The following ALDH1L1 variants were observed in gnomAD, a reference collection of about 807,000 sequenced individuals.
ALDH1L1 encodes the protein cytosolic 10-formyltetrahydrofolate dehydrogenase.
In ALDH1L1, 68 loss-of-function variants were observed where a neutral mutation model predicts 101.1. The observed-to-expected ratio is 0.67, with a 90% CI of 0.55 to 0.82. The LOEUF (loss-of-function observed/expected upper bound fraction) is 0.82, where lower values mean the gene tolerates loss of function less well. Among genes scored for constraint, ALDH1L1 ranks in the 40% least tolerant of loss-of-function variants. The pLI, the probability that ALDH1L1 is intolerant of heterozygous loss-of-function variation, is 0.00. For missense variants in ALDH1L1, 1,087 were observed against 1,172.7 expected, an observed-to-expected ratio of 0.93 and a Z score of 1.07; for synonymous variants, 486 against 470.8, an observed-to-expected ratio of 1.03 and a Z score of -0.42.
At chr3:126,157,249 G>T in intron 4 of ALDH1L1, 94 bp downstream of exon 4, 1 of 1,439,772 alleles carries the variant, frequency 6.9e-7, no homozygotes, top group South Asian at 1.4e-5. Flanking sequence ...TTGGGGAACA[G>T]ATTCCTGGCC....
At chr3:126,134,916 C>T (rs1270414843) in intron 12 of ALDH1L1, among the ~76,000 whole-genome samples, 13 of 152,338 alleles carry the variant, frequency 8.5e-5, no homozygotes, top group African/African-American at 3.1e-4. Context: ...TCCCGCCAGG[C>T]CCTGTGGTTC....
At chr3:126,160,529 C>T (rs79962523) in intron 2 of ALDH1L1, 12,151 of 280,552 alleles carry the variant, frequency 0.043, 370 homozygotes, top group Middle Eastern at 0.11. Context: ...CAGTTCAGAA[C>T]ATGGAGACCT....
chr3:126,103,992 A>G, intron 22 of ALDH1L1, 146 bp from the exon 23 acceptor site: 1 of 855,152 alleles, frequency 1.2e-6, no homozygotes, highest in Non-Finnish European at 1.8e-6. Flanking sequence ...CAGCGAGGTC[A>G]TGAATCTTAC....
At chr3:126,147,381 C>T (rs1278059885) in intron 8 of ALDH1L1, among the ~76,000 whole-genome samples, 1 of 152,172 alleles carries the variant, frequency 6.6e-6, no homozygotes, top group East Asian at 1.9e-4. Context: ...ACAGGGTGGG[C>T]CTGAAGGTGA....
rs769294617 is a variant in ALDH1L1 at position 126,157,438 on chromosome 3, C to T, written c.433G>A (p.Asp145Asn). ...FWADDGLDTGDLLLQKECEVL... is the reference protein window; with the variant it reads ...FWADDGLDTGNLLLQKECEVL... ...TCACACTCCTTCTGCAGCAGCAGGT[C>T]TCCGGTGTCCAGACCATCATCCGCC... The change falls in exon 4 of 23, where the codon GAC becomes AAC. Residue 145 changes from aspartate to asparagine, a missense_variant. Transcript: ENST00000393434. 3.7e-6 allele frequency: 6 copies of T among 1,614,164 alleles called. No individual in the cohort carries two copies. Among genetic ancestry groups the T allele is most frequent in the Middle Eastern group, 1.6e-4 (1 of 6,062 alleles).
Position 126,103,684 on chromosome 3 carries a change from C to T in ALDH1L1, c.*107G>A. 1 of 1,223,050 alleles carries T rather than the reference C, an allele frequency of 8.2e-7. No homozygotes were observed. The highest frequency in any genetic ancestry group is 1.2e-6 in the Non-Finnish European group (1 of 855,548). 75.8% of individuals were successfully genotyped at this position (1,223,050 alleles called of 1,614,324 possible). On this transcript the variant is annotated 3_prime_UTR_variant, in exon 23 of 23. Transcript: ENST00000393434. The stretch of plus-strand genomic sequence containing the variant: ...CAGACATGGTGTGCAGGCAGGAGGG[C>T]TTCCACTAGCCCCCCAGGTGGGAGG...
upstream of ALDH1L1, among the ~76,000 whole-genome samples, chr3:126,183,095 G>C (rs1337663650): frequency 6.6e-6 from 1 of 152,252 alleles, no homozygotes; most frequent in East Asian, 1.9e-4. Context: ...ATGAAGCCAA[G>C]AGTGTGGTCA....
chr3:126,181,027 T>G, upstream of ALDH1L1: 11 of 1,593,866 alleles, frequency 6.9e-6, no homozygotes, highest in South Asian at 4.5e-5. Context: ...TGCAGCCGCT[T>G]GCAGAGGCGG....
chr3:126,165,760 GGTT>G (rs1242008999), intron 1 of ALDH1L1, among the ~76,000 whole-genome samples: 2 of 152,122 alleles, frequency 1.3e-5, no homozygotes, highest in East Asian at 3.8e-4. Flanking sequence ...TCTGTGGATT[GGTT>G]GTAATGTCAT....
rs570048736 is a variant in ALDH1L1, at chr3:126,109,274, C to T, written c.2347+670G>A. 2.6e-5 allele frequency among the ~76,000 whole-genome samples: 4 copies of T among 152,324 alleles called. No individual in the cohort carries two copies. The South Asian group carries it at 8.3e-4, about 32-fold the overall frequency. The stretch of plus-strand genomic sequence containing the variant: ...CAGCAGCAGCGTCAACGGTCCATCC[C>T]CGTGGCTGCTGCGCTTCTGGCCTGG... On this transcript the variant is annotated intron_variant, in intron 20 of 22. Coordinates refer to ENST00000393434, the MANE Select transcript of ALDH1L1 (RefSeq NM_012190.4).
chr3:126,106,514 C>T (rs1345003069), intron 21 of ALDH1L1, among the ~76,000 whole-genome samples: 2 of 152,182 alleles, frequency 1.3e-5, no homozygotes, highest in Non-Finnish European at 2.9e-5. Context: ...CCTTCCAGCC[C>T]AGCCTGGTCT....
At chr3:126,189,514 G>A (rs2081540131) in intron 1 of ALDH1L1, among the ~76,000 whole-genome samples, 1 of 152,120 alleles carries the variant, frequency 6.6e-6, no homozygotes, top group African/African-American at 2.4e-5. Flanking sequence ...AGGCCCCAAA[G>A]CTTGGCTGCA....
At chr3:126,118,498 G>C (rs556213077) in intron 16 of ALDH1L1, among the ~76,000 whole-genome samples, 153 of 152,248 alleles carry the variant, frequency 1.0e-3, no homozygotes, top group African/African-American at 3.6e-3. Context: ...CAGGAGAGAG[G>C]CTGCAGGAGA....
At chr3:126,179,620 CT>C (rs1356121097) in intron 1 of ALDH1L1, 1 of 152,182 alleles carries the variant, frequency 6.6e-6, no homozygotes, top group Non-Finnish European at 1.5e-5. Context: ...TTCATTGCCC[CT>C]CCCGATTTTA....
chr3:126,130,326 C>T (rs1414481664), intron 13 of ALDH1L1, 33 bp from the exon 14 acceptor site: 3 of 1,575,746 alleles, frequency 1.9e-6, no homozygotes, highest in Admixed American at 1.8e-5. Flanking sequence ...CACCCAGGGG[C>T]CCAGGGTCCA....
At chr3:126,125,867 C>T in intron 14 of ALDH1L1, 146 bp from the exon 15 acceptor site, 1 of 520,192 alleles carries the variant, frequency 1.9e-6, no homozygotes. Flanking sequence ...CTCTGAGAGG[C>T]AGCTCACGCC....
rs776794518 is a variant in ALDH1L1 at position 126,112,877 on chromosome 3, T to A, written c.2086A>T (p.Met696Leu). The A allele has an allele frequency of 6.2e-7, 1 of 1,612,984 alleles. No homozygotes were observed. The highest frequency in any genetic ancestry group is 1.1e-5 in the South Asian group (1 of 91,068). Residue 696 changes from methionine (M) to leucine (L), a missense_variant, in exon 19 of 23, where the codon ATG becomes TTG. Around this residue, in one of 2 missense-constraint regions of ALDH1L1, gnomAD observed 442 missense variants for 535.7 expected, o/e 0.83. Transcript: ENST00000393434. ...CCTTTGTTGAAGAAAACAGAACTCA[T>A]CCCCTTCAGAGAATGGACAAGAACA... Reference protein sequence around the residue: ...CDLNKAVQMGMSSVFFNKGEN... With the variant: ...CDLNKAVQMGLSSVFFNKGEN...
chr3:126,178,967 T>TC (rs1368315760), intron 1 of ALDH1L1, among the ~76,000 whole-genome samples: 5 of 151,236 alleles, frequency 3.3e-5, no homozygotes, highest in Non-Finnish European at 5.9e-5. Flanking sequence ...AGTATGTCGT[T>TC]CCCCCCCTGC....
At chr3:126,154,455 C>T (rs2080865981) in intron 6 of ALDH1L1, 99 bp downstream of exon 6, 3 of 1,238,232 alleles carry the variant, frequency 2.4e-6, no homozygotes, top group African/African-American at 1.5e-5. Flanking sequence ...AGGGCAGTAG[C>T]TATTTATTAT....
Sources: gnomAD v4.1 joint callset for allele counts (sites outside exome capture counted in the v4.1 genomes callset) on GRCh38, gnomAD v4.1.1 for gene constraint, gnomAD v4.1.1 regional missense constraint, MANE v1.5 for transcripts, NCBI Gene and HGNC (gene_info 2026-07-23, HGNC 2026-07-21) for gene names.